PCDHGA1: variants seen among roughly 807,000 people sequenced by gnomAD.
PCDHGA1 encodes the protein protocadherin gamma subfamily A, 1, also known as protocadherin gamma-A1.
Under a neutral mutation model 58.0 loss-of-function variants are expected in PCDHGA1, and 32 were observed. That is an observed-to-expected ratio of 0.55 (90% CI 0.42 to 0.74). The LOEUF (loss-of-function observed/expected upper bound fraction) is 0.74. PCDHGA1 is among the 30% of genes least tolerant of loss of function. The pLI is 0.00. For synonymous variants in PCDHGA1, 498 were observed against 501.1 expected (o/e 0.99, Z 0.08); for missense variants, 1,205 against 1,182.3 (o/e 1.02, Z -0.28).
intron 1 of PCDHGA1, among the ~76,000 whole-genome samples, chr5:141,454,701 C>G (rs1182969868): frequency 6.6e-6 from 1 of 151,760 alleles, no homozygotes; most frequent in Non-Finnish European, 1.5e-5. Context: ...CCACCATGCT[C>G]CACCTGCTTA....
chr5:141,358,072 C>T (rs1434661708), intron 1 of PCDHGA1, among the ~76,000 whole-genome samples: 2 of 152,178 alleles, frequency 1.3e-5, no homozygotes, highest in Non-Finnish European at 2.9e-5. Context: ...TGCCCGTAGT[C>T]CCAGCTACCC....
At chr5:141,364,366 G>T (rs755664508) in intron 1 of PCDHGA1, 1 of 1,563,758 alleles carries the variant, frequency 6.4e-7, no homozygotes, top group Non-Finnish European at 8.6e-7. Flanking sequence ...GCTGCGGAGA[G>T]CTGCTGCTGC....
At chr5:141,351,284 G>A in intron 1 of PCDHGA1, 1 of 1,613,858 alleles carries the variant, frequency 6.2e-7, no homozygotes, top group South Asian at 1.1e-5. Context: ...CAATGCCCCA[G>A]AGGTGACATT....
chr5:141,428,861 T>G (rs1435613271), intron 1 of PCDHGA1: 1 of 73,058 alleles, frequency 1.4e-5, no homozygotes, highest in Non-Finnish European at 2.5e-5. Flanking sequence ...TACGGGAGAC[T>G]TTTTTTTTTT....
intron 1 of PCDHGA1, among the ~76,000 whole-genome samples, chr5:141,479,935 A>C (rs1226362422): frequency 1.3e-5 from 2 of 152,232 alleles, no homozygotes. Context: ...CATCATTGCT[A>C]TCAACTCTTG....
At chr5:141,348,751 A>G (rs1347610268) in intron 1 of PCDHGA1, among the ~76,000 whole-genome samples, 1 of 152,230 alleles carries the variant, frequency 6.6e-6, no homozygotes, top group African/African-American at 2.4e-5. Context: ...AAAGGAATGG[A>G]AAGTATAAAG....
intron 1 of PCDHGA1, chr5:141,384,588 G>C: frequency 1.2e-6 from 2 of 1,614,242 alleles, no homozygotes; most frequent in Middle Eastern, 1.6e-4. Context: ...CCGAGATCCT[G>C]TACCCGGCCC....
At position 141,332,392 on chromosome 5, in the gene PCDHGA1, G is replaced by A. The variant is rs1756405303; in HGVS notation, c.1708G>A (p.Asp570Asn). ...PEILYPALPT[D>N]GSTGVELAPL... Reference sequence around the variant, plus strand: ...GATCCTGTACCCCGCCCTCCCCACAGATGGTTCTACCGGCGTGGAGCTGGC... The same window carrying A: ...GATCCTGTACCCCGCCCTCCCCACAAATGGTTCTACCGGCGTGGAGCTGGC... Residue 570 changes from aspartate (D) to asparagine (N), a missense_variant, in exon 1 of 4, where the codon GAT becomes AAT. Physicochemically the swap from Asp to Asn is conservative, Grantham distance 23 (BLOSUM62 1). Transcript: ENST00000517417. This position sits in a 1 kb window ranked among gnomAD's most constrained non-coding sequence, Gnocchi z 4.6. 1 of 1,614,098 alleles carries A rather than the reference G, an allele frequency of 6.2e-7. No homozygotes were observed.
intron 1 of PCDHGA1, chr5:141,365,772 G>T (rs373332121): frequency 1.1e-5 from 18 of 1,613,758 alleles, no homozygotes; most frequent in Admixed American, 3.3e-5. Flanking sequence ...GACCCCGACA[G>T]CGGCGACAAC....
intron 1 of PCDHGA1, chr5:141,374,675 G>A (rs1770710965): frequency 1.2e-6 from 2 of 1,610,644 alleles, no homozygotes; most frequent in South Asian, 1.1e-5. Flanking sequence ...GGTGCTGGAG[G>A]GCACACTGGA....
intron 1 of PCDHGA1, chr5:141,389,664 G>A (rs1182835621): frequency 5.0e-6 from 8 of 1,612,210 alleles, no homozygotes; most frequent in Admixed American, 1.7e-5. Context: ...GGCGGTGGAC[G>A]CAGACTCAGG....
At chr5:141,421,449 G>A (rs2096574013) in intron 1 of PCDHGA1, 2 of 1,614,010 alleles carry the variant, frequency 1.2e-6, no homozygotes, top group African/African-American at 1.3e-5. Flanking sequence ...GGAAGACACA[G>A]CTTTTCGCTG....
chr5:141,340,404 AC>A, intron 1 of PCDHGA1: 1 of 1,613,912 alleles, frequency 6.2e-7, no homozygotes, highest in Non-Finnish European at 8.5e-7. Context: ...ACGGCCCATG[AC>A]CCCGACAGCA....
intron 1 of PCDHGA1, among the ~76,000 whole-genome samples, chr5:141,469,436 G>T (rs556417221): frequency 6.6e-6 from 1 of 152,002 alleles, no homozygotes; most frequent in Non-Finnish European, 1.5e-5. Flanking sequence ...TTAGCTGGGC[G>T]TGGTGGTGCA....
At chr5:141,389,093 G>A in intron 1 of PCDHGA1, 1 of 1,614,018 alleles carries the variant, frequency 6.2e-7, no homozygotes, top group Non-Finnish European at 8.5e-7. Flanking sequence ...ATAAATTAGT[G>A]ACAGATGCTG....
intron 1 of PCDHGA1, among the ~76,000 whole-genome samples, chr5:141,465,443 C>T (rs979024871): frequency 6.6e-6 from 1 of 152,158 alleles, no homozygotes; most frequent in Non-Finnish European, 1.5e-5. Flanking sequence ...AATGATTACC[C>T]AAGAAAACTC....
rs72790032 is a variant in PCDHGA1 at position 141,393,544 on chromosome 5, A to G, written c.2421+60439A>G. On this transcript the variant is annotated intron_variant, in intron 1 of 3. Coordinates refer to ENST00000517417, the MANE Select transcript of PCDHGA1 (RefSeq NM_018912.3). ...AATGACAATGCCCCGGTTTTTCCTC[A>G]CCCGATTTACCGAGTGAAAGTCCTT... 18,579 of 1,613,800 alleles carry G rather than the reference A, an allele frequency of 0.012. 149 individuals carry two copies. The highest frequency in any genetic ancestry group is 0.014 in the Non-Finnish European group (16,983 of 1,179,880).
chr5:141,445,302 A>C (rs2098462947), intron 1 of PCDHGA1, among the ~76,000 whole-genome samples: 1 of 152,220 alleles, frequency 6.6e-6, no homozygotes, highest in African/African-American at 2.4e-5. Flanking sequence ...CATTCTCTTC[A>C]GTTTGTAGGT....
intron 1 of PCDHGA1, chr5:141,428,860 CT>C (rs34152666): frequency 0.3 from 42,955 of 145,250 alleles, 7,185 homozygotes; most frequent in African/African-American, 0.5. Flanking sequence ...TTACGGGAGA[CT>C]TTTTTTTTTT....
Sources: gnomAD v4.1 joint callset for allele counts (sites outside exome capture counted in the v4.1 genomes callset) on GRCh38, gnomAD v4.1.1 for gene constraint, Gnocchi (gnomAD v3.1) non-coding constraint, MANE v1.5 for transcripts, NCBI Gene and HGNC (gene_info 2026-07-23, HGNC 2026-07-21) for gene names.